Variants in STK10 observed in about 807,000 individuals in gnomAD.
STK10 encodes serine/threonine kinase 10, also known as serine/threonine-protein kinase 10.
STK10 carries 78 observed loss-of-function variants against 113.8 expected under a neutral mutation model. That is an observed-to-expected ratio of 0.69 (90% CI 0.57 to 0.83). STK10 has a LOEUF of 0.83. Among genes scored for constraint, STK10 ranks in the 40% least tolerant of loss-of-function variants. The probability of loss-of-function intolerance (pLI) is 0.00; values close to 1 mark genes in which losing one functional copy is unlikely to be tolerated. For synonymous variants in STK10, 465 were observed against 494.7 expected, an observed-to-expected ratio of 0.94 and a Z score of 0.80; for missense variants, 1,109 against 1,280.1, an observed-to-expected ratio of 0.87 and a Z score of 2.04.
chr5:172,073,185 T>C (rs1006466077), intron 12 of STK10, among the ~76,000 whole-genome samples: 2 of 152,130 alleles, frequency 1.3e-5, no homozygotes, highest in African/African-American at 4.8e-5. Flanking sequence ...AGTCTTGCTC[T>C]GTCACCCAGG....
intron 1 of STK10, among the ~76,000 whole-genome samples, chr5:172,180,230 G>A (rs534610391): frequency 7.9e-5 from 12 of 152,308 alleles, no homozygotes; most frequent in Admixed American, 1.3e-4. Context: ...TTGGGAGGCC[G>A]AGGCGGGCAG....
chr5:172,164,175 GCACTC>G (rs1770521517), intron 1 of STK10, among the ~76,000 whole-genome samples: 1 of 142,516 alleles, frequency 7.0e-6, no homozygotes, highest in Non-Finnish European at 1.5e-5. Flanking sequence ...TAGCGCCATT[GCACTC>G]CAGCCCGGGC....
chr5:172,119,591 G>A (rs555981424), intron 3 of STK10, among the ~76,000 whole-genome samples: 3 of 152,164 alleles, frequency 2.0e-5, no homozygotes, highest in Non-Finnish European at 4.4e-5. Context: ...TAGGCCAGGC[G>A]CGGTGGCTCA....
intron 7 of STK10, among the ~76,000 whole-genome samples, chr5:172,102,210 G>A (rs1170066521): frequency 6.6e-6 from 1 of 152,244 alleles, no homozygotes; most frequent in Non-Finnish European, 1.5e-5. Flanking sequence ...TGGAGGGGTG[G>A]GAAAGGCTGA....
intron 2 of STK10, among the ~76,000 whole-genome samples, chr5:172,148,504 G>A (rs964672590): frequency 2.6e-5 from 4 of 152,188 alleles, no homozygotes; most frequent in South Asian, 4.1e-4. Context: ...TTCCAACAGC[G>A]GGATCCCAGC....
chr5:172,059,551 G>A (rs948055696), intron 14 of STK10, among the ~76,000 whole-genome samples: 1 of 151,088 alleles, frequency 6.6e-6, no homozygotes. Context: ...AGAGATGGAA[G>A]ACCCAAGGGC....
At chr5:172,176,757 G>A (rs1383894956) in intron 1 of STK10, among the ~76,000 whole-genome samples, 1 of 152,198 alleles carries the variant, frequency 6.6e-6, no homozygotes, top group Non-Finnish European at 1.5e-5. Context: ...TCCCTGCTAT[G>A]GTCCGAGTGT....
intron 7 of STK10, among the ~76,000 whole-genome samples, chr5:172,099,757 G>A (rs898005420): frequency 1.3e-5 from 2 of 152,204 alleles, no homozygotes; most frequent in Admixed American, 1.3e-4. Flanking sequence ...AAACGCCACA[G>A]GACGCTTCAC....
In STK10 at chr5:172,117,623, G is replaced by A. The variant is rs906946889; in HGVS notation, c.378C>T (p.Asp126=). Residue 126 remains aspartate (D), a synonymous_variant, in exon 4 of 19, where the codon GAC becomes GAT. Coordinates refer to ENST00000176763, the MANE Select transcript of STK10 (RefSeq NM_005990.4). ...GAVDAIMLEL[D]RGLTEPQIQV... The stretch of plus-strand genomic sequence containing the variant: ...GTATCTGGGGCTCCGTGAGGCCTCT[G>A]TCCAGCTCTGGAAATGGAGGAGAAC... The A allele has an allele frequency of 6.2e-7, 1 of 1,614,038 alleles. No homozygotes were observed. Among genetic ancestry groups the A allele is most frequent in the Admixed American group, 1.7e-5 (1 of 60,028 alleles).
At chr5:172,048,559 C>A (rs571132754) in intron 18 of STK10, among the ~76,000 whole-genome samples, 3 of 152,220 alleles carry the variant, frequency 2.0e-5, no homozygotes, top group African/African-American at 7.2e-5. Context: ...CCAGCAAGAA[C>A]GTCTAGAGTG....
intron 13 of STK10, 70 bp downstream of exon 13, chr5:172,064,650 G>T: frequency 6.5e-7 from 1 of 1,529,434 alleles, no homozygotes; most frequent in Non-Finnish European, 9.0e-7. Context: ...CAAAGGCAGA[G>T]AGGGGGCCTG....
intron 10 of STK10, among the ~76,000 whole-genome samples, chr5:172,083,870 TGCACTCCA>T (rs1387823418): frequency 2.7e-5 from 4 of 145,620 alleles, no homozygotes; most frequent in Non-Finnish European, 1.5e-5. Flanking sequence ...ATGACGCCAT[TGCACTCCA>T]GCCTGGACTA....
intron 17 of STK10, among the ~76,000 whole-genome samples, chr5:172,053,557 C>T (rs1402117931): frequency 6.6e-6 from 1 of 152,236 alleles, no homozygotes; most frequent in Admixed American, 6.5e-5. Flanking sequence ...CCTCGCTGTT[C>T]TTTCTCTGAG....
intron 13 of STK10, chr5:172,064,216 A>G (rs557029896): frequency 1.5e-3 from 236 of 154,694 alleles, no homozygotes; most frequent in Admixed American, 2.4e-3. Context: ...GAGACAGGAG[A>G]TAAGAAATAT....
At chr5:172,067,192 T>C (rs2113710235) in intron 12 of STK10, among the ~76,000 whole-genome samples, 1 of 151,774 alleles carries the variant, frequency 6.6e-6, no homozygotes, top group East Asian at 1.9e-4. Context: ...CTACAGAAAA[T>C]ATTAATACAA....
In STK10 at chr5:172,133,693, CAGAG is replaced by C. The variant is rs1363989376; in HGVS notation, c.322-6276_322-6273del. Among the ~76,000 whole-genome samples, 1 of 152,186 alleles carries C rather than the reference CAGAG, an allele frequency of 6.6e-6. No homozygotes were observed. Among genetic ancestry groups the C allele is most frequent in the East Asian group, 1.9e-4 (1 of 5,200 alleles). On this transcript the variant is annotated intron_variant, in intron 2 of 18. Transcript: ENST00000176763. The surrounding 1 kb of genome is among the most constrained non-coding windows in gnomAD (Gnocchi z 4.9). ...GACAAAGCTAATACACAGAGGAAGA[CAGAG>C]AGAATCACAGGAAAACGGAGAACAA...
intron 12 of STK10, among the ~76,000 whole-genome samples, chr5:172,068,289 G>A (rs1254028416): frequency 2.0e-5 from 3 of 150,722 alleles, no homozygotes; most frequent in Non-Finnish European, 3.0e-5. Context: ...GCAGTGAGCC[G>A]AGATCACACC....
At chr5:172,186,553 C>G (rs1183272508) in intron 1 of STK10, among the ~76,000 whole-genome samples, 1 of 151,526 alleles carries the variant, frequency 6.6e-6, no homozygotes, top group Non-Finnish European at 1.5e-5. Flanking sequence ...GCCCAGGAGG[C>G]AGAGGTTGCA....
At chr5:172,134,550 A>G (rs1769814728) in intron 2 of STK10, among the ~76,000 whole-genome samples, 1 of 152,186 alleles carries the variant, frequency 6.6e-6, no homozygotes, top group South Asian at 2.1e-4. Flanking sequence ...ACAAGCAACC[A>G]AAGAAAAAAT....
Sources: allele counts gnomAD v4.1 joint callset (sites outside exome capture counted in the v4.1 genomes callset), GRCh38; gene constraint gnomAD v4.1.1; non-coding constraint Gnocchi (gnomAD v3.1); transcripts MANE v1.5; gene names NCBI Gene and HGNC (gene_info 2026-07-23, HGNC 2026-07-21).